The following RPS6KA2 variants were observed in gnomAD, a reference collection of about 807,000 sequenced individuals.
The protein encoded by RPS6KA2 is ribosomal protein S6 kinase A2.
Under a neutral mutation model 91.8 loss-of-function variants are expected in RPS6KA2, and 42 were observed. That is an observed-to-expected ratio of 0.46 (90% CI 0.36 to 0.59). The LOEUF is 0.59. Among genes scored for constraint, RPS6KA2 ranks in the 20% least tolerant of loss-of-function variants. The pLI is 0.00. For missense variants in RPS6KA2, 798 were observed against 978.5 expected (o/e 0.82, Z 2.46); for synonymous variants, 414 against 393.6 (o/e 1.05, Z -0.61).
chr6:166,451,280 C>A (rs752633832), intron 12 of RPS6KA2, 47 bp from the exon 13 acceptor site: 1 of 1,608,110 alleles, frequency 6.2e-7, no homozygotes, highest in African/African-American at 1.3e-5. Flanking sequence ...AGCTGGGTGA[C>A]CCTGGGGTGA....
intron 10 of RPS6KA2, among the ~76,000 whole-genome samples, chr6:166,483,153 C>T (rs1441847872): frequency 2.0e-5 from 3 of 152,202 alleles, no homozygotes; most frequent in African/African-American, 7.2e-5. Flanking sequence ...AAGAGACCAC[C>T]TGGGACGTCT....
At position 166,554,107 on chromosome 6, in the gene RPS6KA2, T is replaced by C. The variant is rs1339166698; in HGVS notation, c.100-15323A>G. Among the ~76,000 whole-genome samples the C allele has an allele frequency of 6.6e-6, 1 of 152,246 alleles. No individual in the cohort carries two copies. The highest frequency in any genetic ancestry group is 1.5e-5 in the Non-Finnish European group (1 of 68,030). On this transcript the variant is annotated intron_variant, in intron 1 of 20. Coordinates refer to ENST00000265678, the MANE Select transcript of RPS6KA2 (RefSeq NM_021135.6). The surrounding 1 kb of genome is among the most constrained non-coding windows in gnomAD (Gnocchi z 4.3). ...GGCAAGAACATTTGGAATTTTCTAG[T>C]GCAGTTCTTGGTGCTGCCATCACTG...
intron 2 of RPS6KA2, among the ~76,000 whole-genome samples, chr6:166,809,129 C>T (rs188386435): frequency 3.3e-5 from 5 of 152,200 alleles, no homozygotes; most frequent in South Asian, 4.2e-4. Flanking sequence ...AATTTTATAT[C>T]GGTGGTTTCA....
At chr6:166,601,116 A>AGAAT (rs1491463253) in intron 1 of RPS6KA2, among the ~76,000 whole-genome samples, 26 of 152,250 alleles carry the variant, frequency 1.7e-4, no homozygotes, top group Admixed American at 1.6e-3. Context: ...GATTCCATTC[A>AGAAT]GATAATATTT....
Position 166,418,248 on chromosome 6 carries a change from CCCAGTTTCCCCCAGAAAGGGCATA to C in RPS6KA2, c.1891_1914del (p.Tyr631_Trp638del). On this transcript the variant is annotated inframe_deletion, in exon 19 of 21. Transcript: ENST00000265678. This position sits in a 1 kb window ranked among gnomAD's most constrained non-coding sequence, Gnocchi z 4.9. ...ACTTTAGCTGCGTCAGATATCGAGT[CCCAGTTTCCCCCAGAAAGGGCATA>C]CTTCCCACTGCCGATCCGCGCCAGA... The C allele has an allele frequency of 6.2e-7, 1 of 1,612,774 alleles. No homozygotes were observed. The highest frequency in any genetic ancestry group is 8.5e-7 in the Non-Finnish European group (1 of 1,178,848).
At chr6:166,615,697 G>A (rs898927486) in intron 1 of RPS6KA2, among the ~76,000 whole-genome samples, 5 of 152,196 alleles carry the variant, frequency 3.3e-5, no homozygotes, top group African/African-American at 7.2e-5. Context: ...ATGAGATACC[G>A]ATGGTCTCCG....
intron 1 of RPS6KA2, among the ~76,000 whole-genome samples, chr6:166,610,169 G>A (rs1259538091): frequency 1.3e-5 from 2 of 152,184 alleles, no homozygotes; most frequent in African/African-American, 4.8e-5. Flanking sequence ...ATATAAGCAC[G>A]TGTGGCATCA....
At chr6:166,647,259 C>A (rs938164566) in intron 2 of RPS6KA2, among the ~76,000 whole-genome samples, 5 of 152,156 alleles carry the variant, frequency 3.3e-5, no homozygotes, top group Admixed American at 1.3e-4. Context: ...TCACGGCCCT[C>A]CCAAGCCCAG....
intron 11 of RPS6KA2, 139 bp downstream of exon 11, chr6:166,469,702 C>T: frequency 1.3e-6 from 1 of 785,038 alleles, no homozygotes; most frequent in Admixed American, 2.0e-5. Context: ...GGGCTCCCTG[C>T]CTGCAGGTGG....
intron 2 of RPS6KA2, among the ~76,000 whole-genome samples, chr6:166,783,701 TA>T (rs1778833769): frequency 1.3e-5 from 2 of 151,988 alleles, no homozygotes; most frequent in Admixed American, 6.6e-5. Context: ...TAACTACATA[TA>T]TATGTGAACA....
chr6:166,672,250 G>C (rs535356071), intron 2 of RPS6KA2, among the ~76,000 whole-genome samples: 106 of 152,182 alleles, frequency 7.0e-4, no homozygotes, highest in African/African-American at 2.5e-3. Context: ...CAAGTCCCAC[G>C]CACACACTGA....
At chr6:166,531,123 A>G in intron 3 of RPS6KA2, 109 bp downstream of exon 3, 1 of 779,448 alleles carries the variant, frequency 1.3e-6, no homozygotes, top group Admixed American at 1.9e-5. Context: ...TCATTTAGAG[A>G]CATTTTCAGA....
chr6:166,699,475 TTATC>T (rs1395241017), intron 2 of RPS6KA2, among the ~76,000 whole-genome samples: 2 of 152,258 alleles, frequency 1.3e-5, no homozygotes. Context: ...CAGAAAAACA[TTATC>T]TAGTCTGTAT....
At chr6:166,716,770 A>G (rs1790025847) in intron 2 of RPS6KA2, among the ~76,000 whole-genome samples, 1 of 152,270 alleles carries the variant, frequency 6.6e-6, no homozygotes, top group Non-Finnish European at 1.5e-5. Flanking sequence ...TTAACACGGA[A>G]GTACCAGAAT....
intron 2 of RPS6KA2, among the ~76,000 whole-genome samples, chr6:166,680,956 G>T (rs73259091): frequency 0.19 from 28,342 of 152,122 alleles, 3,579 homozygotes; most frequent in African/African-American, 0.36. Flanking sequence ...CTCTGGAAAG[G>T]CCTGTGAGGG....
chr6:166,783,596 C>A (rs1439662540), intron 2 of RPS6KA2, among the ~76,000 whole-genome samples: 1 of 150,890 alleles, frequency 6.6e-6, no homozygotes, highest in Non-Finnish European at 1.5e-5. Context: ...GCACACATAT[C>A]TAAAACTACA....
At chr6:166,416,483 G>A (rs929974326) in intron 19 of RPS6KA2, among the ~76,000 whole-genome samples, 17 of 147,754 alleles carry the variant, frequency 1.2e-4, no homozygotes, top group Admixed American at 2.7e-4. Context: ...CACTCCCACC[G>A]TCACCTCCAT....
rs1040063049 is a variant in RPS6KA2, at chr6:166,411,575, G to C, written c.*1187C>G. ...GGCCTAAATGCCCCACACCCGCCCT[G>C]TGTGCACACCCAGGGGAATACGGAT... On this transcript the variant is annotated 3_prime_UTR_variant, in exon 21 of 21. Transcript: ENST00000265678. The surrounding 1 kb of genome is among the most constrained non-coding windows in gnomAD (Gnocchi z 4.5). 1 of 152,574 alleles carries C rather than the reference G, an allele frequency of 6.6e-6. No individual in the cohort carries two copies. Among genetic ancestry groups the C allele is most frequent in the South Asian group, 2.1e-4 (1 of 4,826 alleles). The allele number at this position is 152,574 out of a possible 1,614,324, so 9.5% of individuals were successfully genotyped here. A position where few individuals can be genotyped will look rare whatever the true frequency, so the allele number is the denominator to read the frequency against.
chr6:166,653,961 G>T (rs1217385437), intron 2 of RPS6KA2, among the ~76,000 whole-genome samples: 2 of 152,186 alleles, frequency 1.3e-5, no homozygotes, highest in Non-Finnish European at 2.9e-5. Flanking sequence ...GTCTTAACAG[G>T]CTTCTCTCCC....
Sources: allele counts gnomAD v4.1 joint callset (sites outside exome capture counted in the v4.1 genomes callset), GRCh38; gene constraint gnomAD v4.1.1; non-coding constraint Gnocchi (gnomAD v3.1); transcripts MANE v1.5; gene names NCBI Gene and HGNC (gene_info 2026-07-23, HGNC 2026-07-21).